NXPE4: variants seen among roughly 807,000 people sequenced by gnomAD.
NXPE4 encodes the protein NXPE family member 4.
A neutral mutation model predicts 33.3 loss-of-function variants in NXPE4; 42 were observed. The ratio of observed to expected loss-of-function variants is 1.26; its 90% CI spans 0.98 to 1.63. The LOEUF (loss-of-function observed/expected upper bound fraction) is 1.63. Ranked by LOEUF, NXPE4 falls within the 40% of genes most tolerant of loss-of-function variation. NXPE4 has a pLI of 0.00. For synonymous variants in NXPE4, 253 were observed against 234.9 expected, an observed-to-expected ratio of 1.08 and a Z score of -0.71; for missense variants, 709 against 647.6, an observed-to-expected ratio of 1.09 and a Z score of -1.03.
chr11:114,675,986 G>T, the NXPE4 span, among the ~76,000 whole-genome samples: 1 of 151,828 alleles, frequency 6.6e-6, no homozygotes, highest in Non-Finnish European at 1.5e-5. Context: ...GGTGCCAAAA[G>T]CACACAATGG....
chr11:114,600,366 T>C (rs542398034), upstream of NXPE4, among the ~76,000 whole-genome samples: 289 of 152,250 alleles, frequency 1.9e-3, no homozygotes, highest in Non-Finnish European at 2.9e-3. Context: ...AAAATAGTTA[T>C]ACATGAAATG....
chr11:114,657,771 C>A, the NXPE4 span, among the ~76,000 whole-genome samples: 1 of 152,078 alleles, frequency 6.6e-6, no homozygotes, highest in East Asian at 1.9e-4. Context: ...CCTGATTTAG[C>A]ACTTACCATT....
At chr11:114,591,769 T>C (rs1378721116) in intron 2 of NXPE4, among the ~76,000 whole-genome samples, 1 of 151,998 alleles carries the variant, frequency 6.6e-6, no homozygotes, top group Non-Finnish European at 1.5e-5. Flanking sequence ...CCCTGTATGA[T>C]GTTTGCTAAA....
the NXPE4 span, among the ~76,000 whole-genome samples, chr11:114,643,510 C>T: frequency 0.27 from 41,553 of 151,822 alleles, 5,982 homozygotes; most frequent in South Asian, 0.32. Flanking sequence ...TTATTAAATA[C>T]GGAATCCTTT....
At chr11:114,638,634 A>G in the NXPE4 span, among the ~76,000 whole-genome samples, 25 of 151,950 alleles carry the variant, frequency 1.6e-4, 1 homozygote, top group East Asian at 1.4e-3. Flanking sequence ...ATGTACAGAT[A>G]GGTTTTTGGT....
the NXPE4 span, among the ~76,000 whole-genome samples, chr11:114,626,956 G>T: frequency 3.0e-4 from 46 of 151,912 alleles, no homozygotes; most frequent in South Asian, 5.0e-3. Flanking sequence ...AAGTGAGAAG[G>T]GAAGTTTAGA....
the NXPE4 span, among the ~76,000 whole-genome samples, chr11:114,653,925 T>C: frequency 6.6e-6 from 1 of 152,070 alleles, no homozygotes; most frequent in Non-Finnish European, 1.5e-5. Flanking sequence ...GAGAGGAAGT[T>C]CCCATGATGT....
At chr11:114,618,038 G>T in the NXPE4 span, among the ~76,000 whole-genome samples, 1 of 152,056 alleles carries the variant, frequency 6.6e-6, no homozygotes, top group Non-Finnish European at 1.5e-5. Context: ...TGCCTCGTGG[G>T]TAACAACTCT....
chr11:114,625,501 C>T, the NXPE4 span, among the ~76,000 whole-genome samples: 2 of 152,122 alleles, frequency 1.3e-5, no homozygotes, highest in African/African-American at 4.8e-5. Context: ...TCGTGGGTAA[C>T]CACTGTTACC....
the NXPE4 span, among the ~76,000 whole-genome samples, chr11:114,653,003 T>C: frequency 6.6e-6 from 1 of 152,188 alleles, no homozygotes; most frequent in Admixed American, 6.5e-5. Context: ...TTGCAACCTC[T>C]GTGTAAAATC....
At chr11:114,664,543 C>T in the NXPE4 span, among the ~76,000 whole-genome samples, 270 of 152,270 alleles carry the variant, frequency 1.8e-3, no homozygotes, top group Non-Finnish European at 3.1e-3. Context: ...CACATTTGCT[C>T]ACTGTCAGAC....
Position 114,580,247 on chromosome 11 carries a change from G to C in NXPE4, c.984C>G (p.Val328=). 6.2e-7 allele frequency: 1 copy of C among 1,613,920 alleles called. No homozygotes were observed. The highest frequency in any genetic ancestry group is 8.5e-7 in the Non-Finnish European group (1 of 1,179,858). The change falls in exon 5 of 6, where the codon GTC becomes GTG. Residue 328 remains valine, a synonymous_variant. Transcript: ENST00000375478. The part of the protein sequence containing the change: ...GHVWRNTWNP[V]SCSLATVKMK... ...TTTTGACTGTAGCCAAACTACAGGAGACAGGATTCCATGTGTTTCTCCAGA... is the reference window on the plus strand; with the variant it reads ...TTTTGACTGTAGCCAAACTACAGGACACAGGATTCCATGTGTTTCTCCAGA...
the NXPE4 span, among the ~76,000 whole-genome samples, chr11:114,606,448 G>A: frequency 6.6e-6 from 1 of 151,748 alleles, no homozygotes. Context: ...GTTTTACCTG[G>A]GAGATAATGT....
At chr11:114,606,601 C>A in the NXPE4 span, among the ~76,000 whole-genome samples, 2 of 151,896 alleles carry the variant, frequency 1.3e-5, no homozygotes, top group African/African-American at 2.4e-5. Context: ...TTGTGGGTAA[C>A]CACTGTTACC....
At position 114,571,490 on chromosome 11, in the gene NXPE4, A is replaced by C. The variant is rs1218620313; in HGVS notation, c.1100-17T>G. The C allele has an allele frequency of 2.6e-6, 4 of 1,567,018 alleles. No individual in the cohort carries two copies. Among genetic ancestry groups the C allele is most frequent in the Non-Finnish European group, 3.5e-6 (4 of 1,154,832 alleles). The stretch of plus-strand genomic sequence containing the variant: ...ACTTCAGTGCTGATAACAAATAGGC[A>C]ATCCCAAAATAAAAGGAGGATATAG... On this transcript the variant is annotated splice_polypyrimidine_tract_variant and intron_variant, in intron 5 of 5. Transcript: ENST00000375478.
At chr11:114,577,410 C>T (rs920752920) in intron 5 of NXPE4, among the ~76,000 whole-genome samples, 1 of 151,798 alleles carries the variant, frequency 6.6e-6, no homozygotes, top group Non-Finnish European at 1.5e-5. Flanking sequence ...AAAGGGTCAG[C>T]GTTGGCGAGG....
At chr11:114,620,122 A>AT in the NXPE4 span, among the ~76,000 whole-genome samples, 1 of 148,726 alleles carries the variant, frequency 6.7e-6, no homozygotes, top group Non-Finnish European at 1.5e-5. Context: ...GATAATACGT[A>AT]TTTCCTCGTG....
chr11:114,640,305 A>G, the NXPE4 span, among the ~76,000 whole-genome samples: 2 of 145,888 alleles, frequency 1.4e-5, no homozygotes, highest in East Asian at 2.0e-4. Flanking sequence ...TTAAATTTTT[A>G]TATATTTATA....
At chr11:114,657,952 CA>C in the NXPE4 span, among the ~76,000 whole-genome samples, 1 of 152,120 alleles carries the variant, frequency 6.6e-6, no homozygotes, top group Non-Finnish European at 1.5e-5. Flanking sequence ...CTATTAATGC[CA>C]AATCAGTTAG....
Sources: gnomAD v4.1 joint callset for allele counts (sites outside exome capture counted in the v4.1 genomes callset) on GRCh38, gnomAD v4.1.1 for gene constraint, MANE v1.5 for transcripts, NCBI Gene and HGNC (gene_info 2026-07-23, HGNC 2026-07-21) for gene names.